MDGA2: variants seen among roughly 807,000 people sequenced by gnomAD.
The protein encoded by MDGA2 is MAM domain containing glycosylphosphatidylinositol anchor 2.
A neutral mutation model predicts 117.8 loss-of-function variants in MDGA2; 40 were observed. That is an observed-to-expected ratio of 0.34 (90% confidence interval 0.26 to 0.44). The LOEUF (loss-of-function observed/expected upper bound fraction) is 0.44. Ranked by LOEUF, MDGA2 falls within the 20% of genes least tolerant of loss-of-function variation. The pLI is 1.00. For missense variants in MDGA2, 1,123 were observed against 1,250.6 expected, an observed-to-expected ratio of 0.90 and a Z score of 1.54; for synonymous variants, 452 against 439.0, an observed-to-expected ratio of 1.03 and a Z score of -0.37.
chr14:47,561,793 T>C (rs1012994351), intron 1 of MDGA2, among the ~76,000 whole-genome samples: 2 of 152,184 alleles, frequency 1.3e-5, no homozygotes, highest in Non-Finnish European at 2.9e-5. Context: ...GAGGACATCC[T>C]TGTCTTGTTC....
chr14:47,344,380 G>T (rs947120573), intron 1 of MDGA2, among the ~76,000 whole-genome samples: 2 of 151,966 alleles, frequency 1.3e-5, no homozygotes, highest in Non-Finnish European at 2.9e-5. Flanking sequence ...ATTTTGCCAG[G>T]CAAACCAGAG....
intron 1 of MDGA2, among the ~76,000 whole-genome samples, chr14:47,328,576 C>A (rs1308141517): frequency 1.3e-5 from 2 of 152,268 alleles, no homozygotes; most frequent in African/African-American, 4.8e-5. Context: ...ACTCTTGGAA[C>A]TAATTGGCAA....
At chr14:46,990,384 A>G (rs1887041262) in intron 8 of MDGA2, among the ~76,000 whole-genome samples, 2 of 152,084 alleles carry the variant, frequency 1.3e-5, no homozygotes, top group African/African-American at 4.8e-5. Flanking sequence ...GCATTTAATG[A>G]AAACTAAAAT....
At chr14:46,920,454 A>C (rs906287114) in intron 9 of MDGA2, among the ~76,000 whole-genome samples, 1 of 152,236 alleles carries the variant, frequency 6.6e-6, no homozygotes, top group South Asian at 2.1e-4. Context: ...AAAGAAGATC[A>C]AAGTCATTTT....
At chr14:47,348,033 C>T (rs1448068581) in intron 1 of MDGA2, among the ~76,000 whole-genome samples, 3 of 151,976 alleles carry the variant, frequency 2.0e-5, no homozygotes, top group Admixed American at 1.3e-4. Flanking sequence ...AAAATAAAGT[C>T]AGGAGTATAA....
At chr14:47,046,678 A>G (rs1889278407) in intron 7 of MDGA2, among the ~76,000 whole-genome samples, 1 of 151,984 alleles carries the variant, frequency 6.6e-6, no homozygotes, top group Non-Finnish European at 1.5e-5. Context: ...ATGTATAAGC[A>G]GTTGATAAAG....
intron 15 of MDGA2, 54 bp downstream of exon 15, chr14:46,854,970 C>CT (rs1486575512): frequency 2.8e-6 from 4 of 1,442,088 alleles, no homozygotes; most frequent in Non-Finnish European, 3.8e-6. Context: ...CAAGATCCAC[C>CT]TTTAATATTA....
intron 6 of MDGA2, among the ~76,000 whole-genome samples, chr14:47,072,608 C>T (rs916318274): frequency 2.0e-5 from 3 of 152,116 alleles, no homozygotes; most frequent in Non-Finnish European, 4.4e-5. Context: ...AGCAGCATCA[C>T]CTGAGAATTT....
At chr14:47,451,371 C>A (rs570665358) in intron 1 of MDGA2, among the ~76,000 whole-genome samples, 1 of 73,466 alleles carries the variant, frequency 1.4e-5, no homozygotes, top group African/African-American at 5.4e-5. Context: ...ATTTTTTTTC[C>A]TGATCACTTT....
rs1250331399 is a variant in MDGA2 at position 47,674,590 on chromosome 14, C to T, written c.207G>A (p.Lys69=). The change falls in exon 1 of 17, where the codon AAG becomes AAA. Residue 69 remains lysine, a synonymous_variant. Transcript: ENST00000399232. ...ACACGAGACCGTACAGTAAATCCAT[C>T]TTCACGTGAACATGAACATATCCAG... ...PWAGYVHVHV[K]MDLLYGLVWL... The T allele has an allele frequency of 1.3e-6, 2 of 1,551,312 alleles. No homozygotes were observed. Among genetic ancestry groups the T allele is most frequent in the East Asian group, 2.4e-5 (1 of 40,860 alleles).
intron 1 of MDGA2, among the ~76,000 whole-genome samples, chr14:47,642,605 T>C (rs1384302432): frequency 6.6e-6 from 1 of 152,040 alleles, no homozygotes; most frequent in Non-Finnish European, 1.5e-5. Context: ...AAATCCATAT[T>C]ATATAGAAGT....
intron 1 of MDGA2, among the ~76,000 whole-genome samples, chr14:47,480,328 G>A (rs530553608): frequency 2.6e-4 from 40 of 152,074 alleles, no homozygotes; most frequent in Non-Finnish European, 5.5e-4. Flanking sequence ...AGCATTGGAT[G>A]ACTATTTTAA....
chr14:47,131,558 T>A (rs1407099156), intron 5 of MDGA2, among the ~76,000 whole-genome samples, 156 bp downstream of exon 5: 2 of 152,044 alleles, frequency 1.3e-5, no homozygotes, highest in Non-Finnish European at 2.9e-5. Flanking sequence ...TGTGTCCATG[T>A]ATGAAGCTTT....
intron 3 of MDGA2, among the ~76,000 whole-genome samples, chr14:47,190,147 T>A (rs866416275): frequency 6.6e-6 from 1 of 152,178 alleles, no homozygotes; most frequent in Admixed American, 6.6e-5. Context: ...CTTGTGCAAA[T>A]TGAAACATGC....
intron 1 of MDGA2, among the ~76,000 whole-genome samples, chr14:47,554,377 T>G (rs1403057264): frequency 6.6e-6 from 1 of 152,234 alleles, no homozygotes; most frequent in Non-Finnish European, 1.5e-5. Flanking sequence ...ACTCAAATAA[T>G]GGCAAAACCT....
rs1407500577 is a variant in MDGA2, at chr14:47,674,849, A to C, written c.-53T>G. 5 of 581,628 alleles carry C rather than the reference A, an allele frequency of 8.6e-6. No individual in the cohort carries two copies. Among genetic ancestry groups the C allele is most frequent in the Non-Finnish European group, 1.2e-5 (4 of 331,818 alleles). 36.0% of individuals were successfully genotyped at this position (581,628 alleles called of 1,614,324 possible). On this transcript the variant is annotated 5_prime_UTR_variant, in exon 1 of 17. Transcript: ENST00000399232. ...CACTCTCCCACAACACAATACCCTG[A>C]CACACACTCACACGCACGCCGCACT...
intron 1 of MDGA2, among the ~76,000 whole-genome samples, chr14:47,475,412 T>C (rs1426330470): frequency 2.0e-5 from 3 of 152,148 alleles, no homozygotes; most frequent in African/African-American, 7.2e-5. Flanking sequence ...CAGAAGACAG[T>C]GTGGCAATTC....
chr14:47,064,004 A>G (rs1244174945), intron 6 of MDGA2, among the ~76,000 whole-genome samples: 1 of 152,044 alleles, frequency 6.6e-6, no homozygotes, highest in Non-Finnish European at 1.5e-5. Flanking sequence ...AAACAACTCA[A>G]AAAATACTGA....
intron 1 of MDGA2, among the ~76,000 whole-genome samples, chr14:47,504,832 T>C (rs1218749503): frequency 6.6e-6 from 1 of 152,136 alleles, no homozygotes; most frequent in Non-Finnish European, 1.5e-5. Context: ...GATCCAGCAA[T>C]CTTAGTAGTG....
Sources: allele counts gnomAD v4.1 joint callset (sites outside exome capture counted in the v4.1 genomes callset), GRCh38; gene constraint gnomAD v4.1.1; transcripts MANE v1.5; gene names NCBI Gene and HGNC (gene_info 2026-07-23, HGNC 2026-07-21).